Variants in GRXCR1 observed in about 807,000 individuals in gnomAD.
GRXCR1 encodes glutaredoxin domain-containing cysteine-rich protein 1.
GRXCR1 carries 27 observed loss-of-function variants against 27.3 expected under a neutral mutation model. The observed-to-expected ratio is 0.99, with a 90% confidence interval of 0.73 to 1.37. The LOEUF (loss-of-function observed/expected upper bound fraction) is 1.37, where lower values mean the gene tolerates loss of function less well. GRXCR1 is among the 40% of genes most tolerant of loss of function. The pLI is 0.00. For missense variants in GRXCR1, 379 were observed against 354.4 expected (o/e 1.07, Z -0.56); for synonymous variants, 122 against 131.1 (o/e 0.93, Z 0.47).
chr4:42,946,543 A>G (rs1265370006), intron 1 of GRXCR1, among the ~76,000 whole-genome samples: 1 of 152,204 alleles, frequency 6.6e-6, no homozygotes, highest in Non-Finnish European at 1.5e-5. Context: ...TGGGCAATTT[A>G]TAAACAACAA....
intron 2 of GRXCR1, among the ~76,000 whole-genome samples, chr4:42,964,219 A>G (rs934987175): frequency 1.3e-5 from 2 of 152,022 alleles, no homozygotes; most frequent in Admixed American, 1.3e-4. Flanking sequence ...TGACAATAGC[A>G]GTAACAATCA....
intron 1 of GRXCR1, among the ~76,000 whole-genome samples, chr4:42,958,570 G>A (rs186769786): frequency 7.6e-4 from 116 of 151,996 alleles, no homozygotes; most frequent in Non-Finnish European, 1.3e-3. Flanking sequence ...GTGGGAGCAC[G>A]CAAAACTAAA....
rs139529067 is a variant in GRXCR1, at chr4:42,934,643, A to G, written c.385-28249A>G. Among the ~76,000 whole-genome samples, 382 of 151,986 alleles carry G rather than the reference A, an allele frequency of 2.5e-3. 3 individuals are homozygous for G. The highest frequency in any genetic ancestry group is 8.9e-3 in the African/African-American group (369 of 41,504). ...AAATAGAGTGCTTTTTAAAACGTTG[A>G]CTTCTATTTTGTGTTTTTACAAAAT... On this transcript the variant is annotated intron_variant, in intron 1 of 3. Coordinates refer to ENST00000399770, the MANE Select transcript of GRXCR1 (RefSeq NM_001080476.3).
At chr4:42,955,347 C>G (rs899396900) in intron 1 of GRXCR1, among the ~76,000 whole-genome samples, 50 of 152,048 alleles carry the variant, frequency 3.3e-4, no homozygotes, top group African/African-American at 1.1e-3. Context: ...ATTAAAGAGG[C>G]AAACCTCTTT....
chr4:43,011,486 T>C (rs1049056410), intron 2 of GRXCR1, among the ~76,000 whole-genome samples: 4 of 152,168 alleles, frequency 2.6e-5, no homozygotes, highest in Non-Finnish European at 5.9e-5. Context: ...ATACCGTACC[T>C]TCCCCATGAC....
At position 43,007,173 on chromosome 4, in the gene GRXCR1, A is replaced by C. The variant is rs923943979; in HGVS notation, c.628-13181A>C. On this transcript the variant is annotated intron_variant, in intron 2 of 3. Transcript: ENST00000399770. The stretch of plus-strand genomic sequence containing the variant: ...CAGAGAAGATTTACTTGAGGATCTG[A>C]GACTTAAAGCATTCCAATGAGGCCA... Among the ~76,000 whole-genome samples, 3 of 152,232 alleles carry C rather than the reference A, an allele frequency of 2.0e-5. No homozygotes were observed. The East Asian group carries it at 5.8e-4, about 29-fold the overall frequency.
chr4:42,901,953 C>G (rs1003684064), intron 1 of GRXCR1, among the ~76,000 whole-genome samples: 1 of 152,280 alleles, frequency 6.6e-6, no homozygotes, highest in African/African-American at 2.4e-5. Context: ...CTCTTAGATA[C>G]CTTTCCTGTG....
chr4:42,935,047 A>G (rs1012694001), intron 1 of GRXCR1, among the ~76,000 whole-genome samples: 2 of 151,956 alleles, frequency 1.3e-5, no homozygotes, highest in Non-Finnish European at 2.9e-5. Flanking sequence ...GAATAACCAG[A>G]TTATTTTGGA....
intron 1 of GRXCR1, among the ~76,000 whole-genome samples, chr4:42,913,817 C>T (rs947770245): frequency 2.0e-5 from 3 of 152,168 alleles, no homozygotes; most frequent in African/African-American, 7.2e-5. Flanking sequence ...CTTCTCTATA[C>T]AGCCTCAGGA....
intron 1 of GRXCR1, among the ~76,000 whole-genome samples, chr4:42,934,066 C>T (rs1241607772): frequency 6.6e-6 from 1 of 151,718 alleles, no homozygotes; most frequent in Non-Finnish European, 1.5e-5. Flanking sequence ...TTTAAATATC[C>T]AAATGAAGGA....
At chr4:42,927,957 G>C (rs943473342) in intron 1 of GRXCR1, among the ~76,000 whole-genome samples, 1 of 152,002 alleles carries the variant, frequency 6.6e-6, no homozygotes, top group African/African-American at 2.4e-5. Context: ...AAACTTGCTT[G>C]AGCTTAAACA....
intron 1 of GRXCR1, among the ~76,000 whole-genome samples, chr4:42,947,845 C>T (rs1296191520): frequency 6.6e-6 from 1 of 152,124 alleles, no homozygotes; most frequent in Non-Finnish European, 1.5e-5. Flanking sequence ...CCTTCCTTTA[C>T]AAAACTACAT....
intron 1 of GRXCR1, among the ~76,000 whole-genome samples, chr4:42,907,047 A>G (rs1183498691): frequency 6.6e-6 from 1 of 152,168 alleles, no homozygotes; most frequent in Non-Finnish European, 1.5e-5. Flanking sequence ...AGGATCTCAG[A>G]AGAAAGGGCA....
chr4:42,982,765 G>T (rs1233562669), intron 2 of GRXCR1, among the ~76,000 whole-genome samples: 27 of 149,378 alleles, frequency 1.8e-4, no homozygotes, highest in Non-Finnish European at 3.0e-4. Context: ...GTGTGAGATG[G>T]TATCTCATTG....
chr4:43,004,508 A>T (rs111995499), intron 2 of GRXCR1, among the ~76,000 whole-genome samples: 6,886 of 152,220 alleles, frequency 0.045, 460 homozygotes, highest in African/African-American at 0.15. Flanking sequence ...AACCACAGGC[A>T]CTCAACGACA....
chr4:42,970,414 C>A (rs1379844386), intron 2 of GRXCR1, among the ~76,000 whole-genome samples: 1 of 152,154 alleles, frequency 6.6e-6, no homozygotes, highest in African/African-American at 2.4e-5. Flanking sequence ...CTGACTTCTA[C>A]CTGGACATCC....
chr4:42,898,087 C>T (rs1746389097), intron 1 of GRXCR1, among the ~76,000 whole-genome samples: 2 of 151,882 alleles, frequency 1.3e-5, no homozygotes, highest in South Asian at 4.2e-4. Flanking sequence ...GTACTATATG[C>T]ATAAACTCCC....
At chr4:43,026,667 G>T (rs570138270) in intron 3 of GRXCR1, among the ~76,000 whole-genome samples, 1 of 152,246 alleles carries the variant, frequency 6.6e-6, no homozygotes, top group South Asian at 2.1e-4. Flanking sequence ...TATCATAGAG[G>T]GAAGACCATA....
chr4:42,955,413 T>C (rs1237569303), intron 1 of GRXCR1, among the ~76,000 whole-genome samples: 1 of 152,154 alleles, frequency 6.6e-6, no homozygotes, highest in Non-Finnish European at 1.5e-5. Context: ...GTTTGTAGTT[T>C]AGTAACAACT....
Sources: gnomAD v4.1 joint callset for allele counts (sites outside exome capture counted in the v4.1 genomes callset) on GRCh38, gnomAD v4.1.1 for gene constraint, MANE v1.5 for transcripts, NCBI Gene and HGNC (gene_info 2026-07-23, HGNC 2026-07-21) for gene names.